Variants in CCDC171 observed in about 807,000 individuals in gnomAD.
CCDC171 encodes the protein coiled-coil domain-containing protein 171.
A neutral mutation model predicts 168.2 loss-of-function variants in CCDC171; 177 were observed. That is an observed-to-expected ratio of 1.05 (90% CI 0.93 to 1.19). CCDC171 has a LOEUF of 1.19. Ranked by LOEUF, CCDC171 falls within the 50% of genes most tolerant of loss-of-function variation. The pLI, the probability that CCDC171 is intolerant of heterozygous loss-of-function variation, is 0.00. For synonymous variants in CCDC171, 687 were observed against 540.8 expected (o/e 1.27, Z -3.75); for missense variants, 1,991 against 1,539.0 (o/e 1.29, Z -4.91).
intron 21 of CCDC171, among the ~76,000 whole-genome samples, chr9:15,824,806 C>T (rs1195045604): frequency 6.6e-6 from 1 of 152,026 alleles, no homozygotes; most frequent in African/African-American, 2.4e-5. Context: ...CTGATTTACT[C>T]TGACAGCCTC....
chr9:15,576,684 A>C (rs1263132930), intron 3 of CCDC171, among the ~76,000 whole-genome samples: 1 of 152,216 alleles, frequency 6.6e-6, no homozygotes, highest in Non-Finnish European at 1.5e-5. Context: ...TCCAAGCAAA[A>C]CTGTTAAGAG....
intron 21 of CCDC171, among the ~76,000 whole-genome samples, chr9:15,793,296 C>T (rs1345972350): frequency 2.0e-5 from 3 of 151,818 alleles, no homozygotes; most frequent in African/African-American, 7.3e-5. Context: ...TATATGCACC[C>T]AATACAGGAG....
At chr9:15,732,918 C>A (rs2054243143) in intron 16 of CCDC171, among the ~76,000 whole-genome samples, 1 of 152,084 alleles carries the variant, frequency 6.6e-6, no homozygotes, top group Admixed American at 6.5e-5. Flanking sequence ...ATTTTGCACT[C>A]TCACTAGCAA....
At chr9:15,565,238 G>A (rs978243852) in intron 2 of CCDC171, among the ~76,000 whole-genome samples, 1 of 152,046 alleles carries the variant, frequency 6.6e-6, no homozygotes, top group East Asian at 1.9e-4. Flanking sequence ...ATAGGCGCCT[G>A]CTGCCACGCC....
chr9:15,738,123 T>C (rs1373334636), intron 16 of CCDC171, among the ~76,000 whole-genome samples: 1 of 152,198 alleles, frequency 6.6e-6, no homozygotes, highest in Non-Finnish European at 1.5e-5. Context: ...GCAATTTGCC[T>C]TTTTGCCAAC....
At chr9:15,907,638 A>C (rs1409421424) in intron 24 of CCDC171, among the ~76,000 whole-genome samples, 2 of 152,238 alleles carry the variant, frequency 1.3e-5, no homozygotes, top group Admixed American at 6.5e-5. Context: ...CAATGGCAAC[A>C]AAAGCCAAAA....
chr9:15,695,874 T>G (rs1389772029), intron 11 of CCDC171, among the ~76,000 whole-genome samples: 1 of 152,188 alleles, frequency 6.6e-6, no homozygotes, highest in East Asian at 1.9e-4. Context: ...TTAGCCCACT[T>G]CATATGATAA....
intron 11 of CCDC171, among the ~76,000 whole-genome samples, chr9:15,698,288 G>T (rs966790170): frequency 2.4e-4 from 36 of 152,226 alleles, no homozygotes; most frequent in African/African-American, 8.7e-4. Flanking sequence ...TTGGGAGGCC[G>T]AGGGGGGTGG....
downstream of CCDC171, among the ~76,000 whole-genome samples, chr9:16,064,416 G>A (rs752900294): frequency 6.6e-6 from 1 of 152,118 alleles, no homozygotes; most frequent in Non-Finnish European, 1.5e-5. Flanking sequence ...GAGGGTGAGG[G>A]AGGCTGAGGG....
intron 1 of CCDC171, among the ~76,000 whole-genome samples, chr9:15,559,776 ATGT>A (rs2039122060): frequency 6.6e-6 from 1 of 152,034 alleles, no homozygotes; most frequent in African/African-American, 2.4e-5. Context: ...TGTCATTATG[ATGT>A]TAGCTGGTTA....
chr9:15,877,053 A>G (rs1386124898), intron 24 of CCDC171, among the ~76,000 whole-genome samples: 1 of 152,170 alleles, frequency 6.6e-6, no homozygotes, highest in Non-Finnish European at 1.5e-5. Flanking sequence ...CTGAGTGAAG[A>G]GGATGAGTGG....
intron 6 of CCDC171, among the ~76,000 whole-genome samples, chr9:16,025,969 T>A (rs894781640): frequency 3.3e-5 from 5 of 152,144 alleles, no homozygotes; most frequent in Admixed American, 3.3e-4. Flanking sequence ...AACAATTTTT[T>A]AAAAAACAAG....
chr9:15,579,917 A>G (rs2040979118), intron 4 of CCDC171, among the ~76,000 whole-genome samples: 1 of 152,166 alleles, frequency 6.6e-6, no homozygotes, highest in African/African-American at 2.4e-5. Flanking sequence ...TAATGTTGCT[A>G]TGAACATTCT....
chr9:16,062,996 A>G (rs981229434), downstream of CCDC171, among the ~76,000 whole-genome samples: 2 of 152,130 alleles, frequency 1.3e-5, no homozygotes, highest in Non-Finnish European at 2.9e-5. Flanking sequence ...ATGAGAAAGT[A>G]TGCTCCTTGG....
At chr9:15,960,494 A>T (rs1384008898) in intron 25 of CCDC171, among the ~76,000 whole-genome samples, 1 of 152,168 alleles carries the variant, frequency 6.6e-6, no homozygotes, top group Non-Finnish European at 1.5e-5. Context: ...ATAGGGAGTC[A>T]ATTCCTGAAA....
intron 6 of CCDC171, among the ~76,000 whole-genome samples, chr9:15,610,095 C>A (rs2043538754): frequency 6.6e-6 from 1 of 151,626 alleles, no homozygotes; most frequent in South Asian, 2.1e-4. Context: ...TTGATGATAC[C>A]TTTCTTAGTA....
chr9:15,867,035 C>T (rs963874816), intron 23 of CCDC171, among the ~76,000 whole-genome samples: 5 of 151,974 alleles, frequency 3.3e-5, no homozygotes, highest in Admixed American at 6.6e-5. Context: ...TTTCACTTTG[C>T]CTAATCAAGA....
chr9:15,681,543 G>A (rs895508716), intron 10 of CCDC171, among the ~76,000 whole-genome samples: 4 of 151,866 alleles, frequency 2.6e-5, no homozygotes, highest in African/African-American at 9.7e-5. Flanking sequence ...TTTAAGACCT[G>A]TTTAATGAAA....
intron 23 of CCDC171, among the ~76,000 whole-genome samples, chr9:15,873,313 G>A (rs1817423617): frequency 6.6e-6 from 1 of 152,058 alleles, no homozygotes; most frequent in South Asian, 2.1e-4. Context: ...TCCCAAGTAG[G>A]CTAGAAAAAT....
Sources: gnomAD v4.1 joint callset for allele counts (sites outside exome capture counted in the v4.1 genomes callset) on GRCh38, gnomAD v4.1.1 for gene constraint, MANE v1.5 for transcripts, NCBI Gene and HGNC (gene_info 2026-07-23, HGNC 2026-07-21) for gene names.